The following SCN11A variants were observed in gnomAD, a reference collection of about 807,000 sequenced individuals.
SCN11A encodes sodium voltage-gated channel alpha subunit 11.
A neutral mutation model predicts 162.2 loss-of-function variants in SCN11A; 122 were observed. The ratio of observed to expected loss-of-function variants is 0.75; its 90% CI spans 0.65 to 0.87. SCN11A has a LOEUF of 0.87. Ranked by LOEUF, SCN11A falls within the 40% of genes least tolerant of loss-of-function variation. The probability of loss-of-function intolerance (pLI) is 0.00; values close to 1 mark genes in which losing one functional copy is unlikely to be tolerated. For missense variants in SCN11A, 2,015 were observed against 2,181.6 expected (o/e 0.92, Z 1.52); for synonymous variants, 758 against 751.5 (o/e 1.01, Z -0.14).
At chr3:38,987,451 GTC>G (rs1318023647) in intron 2 of SCN11A, among the ~76,000 whole-genome samples, 2 of 152,132 alleles carry the variant, frequency 1.3e-5, no homozygotes, top group Admixed American at 1.3e-4. Context: ...GGACAGGGCT[GTC>G]TCTCTCTCAG....
intron 19 of SCN11A, among the ~76,000 whole-genome samples, chr3:38,887,314 T>C (rs1305055238): frequency 1.3e-5 from 2 of 151,698 alleles, no homozygotes; most frequent in African/African-American, 4.8e-5. Flanking sequence ...CTTCACCACA[T>C]GGGACAATAA....
At chr3:39,026,183 G>C (rs1391727683) in intron 2 of SCN11A, 2 of 152,030 alleles carry the variant, frequency 1.3e-5, no homozygotes, top group Non-Finnish European at 2.9e-5. Context: ...ATACTGATCT[G>C]TCATTAGATT....
chr3:39,020,951 A>T (rs755527026), intron 2 of SCN11A, among the ~76,000 whole-genome samples: 3 of 152,194 alleles, frequency 2.0e-5, no homozygotes, highest in Admixed American at 6.5e-5. Flanking sequence ...TTCAAAAAAA[A>T]ATATTGCAAA....
At chr3:38,899,179 G>C (rs1189680206) in intron 17 of SCN11A, among the ~76,000 whole-genome samples, 1 of 152,274 alleles carries the variant, frequency 6.6e-6, no homozygotes, top group Admixed American at 6.5e-5. Context: ...CCCCTTCTCA[G>C]ATTGGATTTC....
intron 28 of SCN11A, among the ~76,000 whole-genome samples, chr3:38,854,977 T>A (rs531831314): frequency 6.6e-6 from 1 of 152,228 alleles, no homozygotes; most frequent in African/African-American, 2.4e-5. Flanking sequence ...TAATTTCGAC[T>A]GGGCACAAAC....
intron 1 of SCN11A, among the ~76,000 whole-genome samples, chr3:39,043,908 C>T (rs2032120372): frequency 1.3e-5 from 2 of 152,076 alleles, no homozygotes; most frequent in African/African-American, 2.4e-5. Context: ...ACCCAATTTT[C>T]CATGATGTGA....
intron 2 of SCN11A, among the ~76,000 whole-genome samples, chr3:39,019,498 T>A (rs2031389821): frequency 6.6e-6 from 1 of 152,230 alleles, no homozygotes; most frequent in Non-Finnish European, 1.5e-5. Flanking sequence ...ACTCTTTCTT[T>A]ACTGCAATGC....
At chr3:38,963,229 TA>T (rs1206617435) in intron 2 of SCN11A, among the ~76,000 whole-genome samples, 205 of 142,872 alleles carry the variant, frequency 1.4e-3, no homozygotes, top group Middle Eastern at 3.6e-3. Flanking sequence ...AAGTCTTTAT[TA>T]AAAAAAAAAA....
chr3:39,037,379 A>G (rs1320503294), intron 1 of SCN11A, among the ~76,000 whole-genome samples: 1 of 152,132 alleles, frequency 6.6e-6, no homozygotes, highest in Non-Finnish European at 1.5e-5. Context: ...GTACAAAAAT[A>G]TAGTTAGATA....
chr3:38,996,368 T>A (rs1174276371), intron 2 of SCN11A, among the ~76,000 whole-genome samples: 1 of 152,136 alleles, frequency 6.6e-6, no homozygotes, highest in Non-Finnish European at 1.5e-5. Context: ...GAAAAGAATG[T>A]CCTTTTCAAG....
At chr3:38,862,873 T>TC (rs1376022912) in intron 28 of SCN11A, among the ~76,000 whole-genome samples, 2 of 151,956 alleles carry the variant, frequency 1.3e-5, no homozygotes, top group Non-Finnish European at 2.9e-5. Context: ...AACCACCTGT[T>TC]CCCCAAAAAC....
intron 24 of SCN11A, 91 bp downstream of exon 24, chr3:38,872,101 CA>C: frequency 1.2e-6 from 1 of 814,634 alleles, no homozygotes; most frequent in Non-Finnish European, 2.1e-6. Context: ...AAAAGCTTGG[CA>C]ATTTAAGGAA....
intron 23 of SCN11A, among the ~76,000 whole-genome samples, chr3:38,876,089 A>C (rs2065202703): frequency 6.6e-6 from 1 of 152,132 alleles, no homozygotes; most frequent in Non-Finnish European, 1.5e-5. Context: ...TCGACAAAGC[A>C]AACAAAAACA....
intron 2 of SCN11A, among the ~76,000 whole-genome samples, chr3:39,031,932 T>C (rs11925155): frequency 0.082 from 12,544 of 152,142 alleles, 729 homozygotes; most frequent in African/African-American, 0.16. Flanking sequence ...AACCAACTGA[T>C]AGATATATTT....
At chr3:38,855,350 CA>C (rs1234911569) in intron 28 of SCN11A, among the ~76,000 whole-genome samples, 1 of 152,164 alleles carries the variant, frequency 6.6e-6, no homozygotes, top group African/African-American at 2.4e-5. Context: ...CCTCATCCCC[CA>C]CAGTGGTTAT....
At chr3:38,861,382 G>GA (rs878902253) in intron 28 of SCN11A, among the ~76,000 whole-genome samples, 20 of 151,250 alleles carry the variant, frequency 1.3e-4, no homozygotes, top group East Asian at 5.8e-4. Context: ...CACAGGACTA[G>GA]AAAAAAAAAT....
chr3:38,933,929 T>C (rs951547651), intron 7 of SCN11A, among the ~76,000 whole-genome samples: 3 of 152,116 alleles, frequency 2.0e-5, no homozygotes, highest in Non-Finnish European at 2.9e-5. Context: ...TTGTCAGATT[T>C]ACCAAAGTTG....
intron 2 of SCN11A, among the ~76,000 whole-genome samples, chr3:39,010,361 C>G (rs2031091960): frequency 6.7e-6 from 1 of 149,126 alleles, no homozygotes; most frequent in South Asian, 2.1e-4. Flanking sequence ...TTAGTACAAA[C>G]AGAAGTTTTA....
At chr3:39,023,046 T>C (rs1229263951) in intron 2 of SCN11A, among the ~76,000 whole-genome samples, 1 of 152,202 alleles carries the variant, frequency 6.6e-6, no homozygotes, top group Non-Finnish European at 1.5e-5. Context: ...TTTTAAAAAG[T>C]GATAAGGGTA....
Sources: gnomAD v4.1 joint callset for allele counts (sites outside exome capture counted in the v4.1 genomes callset) on GRCh38, gnomAD v4.1.1 for gene constraint, MANE v1.5 for transcripts, NCBI Gene and HGNC (gene_info 2026-07-23, HGNC 2026-07-21) for gene names.